Variants in PTHLH observed in about 807,000 individuals in gnomAD.
The protein encoded by PTHLH is parathyroid hormone-related protein.
In PTHLH, 5 loss-of-function variants were observed where a neutral mutation model predicts 18.6. That is an observed-to-expected ratio of 0.27 (90% confidence interval 0.14 to 0.56). The LOEUF is 0.56. Among genes scored for constraint, PTHLH ranks in the 20% least tolerant of loss-of-function variants. The pLI is 0.92. For missense variants in PTHLH, 207 were observed against 223.9 expected (o/e 0.92, Z 0.48); for synonymous variants, 90 against 94.0 (o/e 0.96, Z 0.25).
intron 5 of PTHLH, chr12:27,962,613 G>A: frequency 1.8e-5 from 18 of 985,322 alleles, no homozygotes; most frequent in South Asian, 4.7e-5. Flanking sequence ...TTTTTCCTAC[G>A]GCATTACCCT....
chr12:27,959,965 G>A (rs2062740212), intron 5 of PTHLH, among the ~76,000 whole-genome samples: 1 of 152,158 alleles, frequency 6.6e-6, no homozygotes, highest in Non-Finnish European at 1.5e-5. Flanking sequence ...CACAAAGAGG[G>A]AAGGAAGAGG....
Position 27,969,511 on chromosome 12 carries a change from C to A in PTHLH, c.-17G>T. On this transcript the variant is annotated 5_prime_UTR_variant, in exon 4 of 6. Coordinates refer to ENST00000545234, the MANE Select transcript of PTHLH (RefSeq NM_198965.2). ...CCGCTGCATCGTCTCCGCTCGCGCT[C>A]GGGACCTGCAACAGAAGGGAATGGG... 1.9e-6 allele frequency: 3 copies of A among 1,558,520 alleles called. No individual in the cohort carries two copies. The highest frequency in any genetic ancestry group is 2.6e-6 in the Non-Finnish European group (3 of 1,153,986).
chr12:27,969,646 G>A, intron 3 of PTHLH, 130 bp from the exon 4 acceptor site: 4 of 883,508 alleles, frequency 4.5e-6, no homozygotes, highest in Admixed American at 3.5e-5. Flanking sequence ...AAGTTGAAAA[G>A]AAAAAAAATT....
intron 4 of PTHLH, among the ~76,000 whole-genome samples, chr12:27,968,081 C>T (rs1186863049): frequency 6.6e-6 from 1 of 152,120 alleles, no homozygotes; most frequent in Non-Finnish European, 1.5e-5. Context: ...GAATTTAAGA[C>T]AAGTTTCAAA....
chr12:27,964,366 AGAAGTGAGCAGT>A (rs1444626929), intron 4 of PTHLH, among the ~76,000 whole-genome samples: 2 of 152,058 alleles, frequency 1.3e-5, no homozygotes, highest in Non-Finnish European at 2.9e-5. Flanking sequence ...AGGCTGAAGG[AGAAGTGAGCAGT>A]GTAGCCTGTC....
Position 27,958,101 on chromosome 12 carries a change from T to C in PTHLH, c.*458A>G, listed in dbSNP as rs1474276749. 1 of 152,432 alleles carries C rather than the reference T, an allele frequency of 6.6e-6. No homozygotes were observed. Among genetic ancestry groups the C allele is most frequent in the Non-Finnish European group, 1.5e-5 (1 of 68,204 alleles). 9.4% of individuals were successfully genotyped at this position (152,432 alleles called of 1,614,324 possible). A position where few individuals can be genotyped will look rare whatever the true frequency, so the allele number is the denominator to read the frequency against. ...TCTCTGAATCATGATGTAATTAGAT[T>C]ATATTTTATTAGACATTCTTTACAA... On this transcript the variant is annotated 3_prime_UTR_variant, in exon 6 of 6. Coordinates refer to ENST00000545234, the MANE Select transcript of PTHLH (RefSeq NM_198965.2).
chr12:27,963,552 T>C lies in PTHLH; in HGVS notation c.320A>G (p.Glu107Gly), dbSNP rs909791349. 2.5e-6 allele frequency: 4 copies of C among 1,614,216 alleles called. No homozygotes were observed. Among genetic ancestry groups the C allele is most frequent in the Non-Finnish European group, 3.4e-6 (4 of 1,180,044 alleles). ...TTTGTACGTCTCCACCTTGTTAGTTTCCTGAGTTAGGTATCTGCCCTCATC... is the reference window on the plus strand; with the variant it reads ...TTTGTACGTCTCCACCTTGTTAGTTCCCTGAGTTAGGTATCTGCCCTCATC... ...SDDEGRYLTQ[E>G]TNKVETYKEQ... is the part of the protein sequence containing the mutation. Residue 107 changes from glutamate to glycine, a missense_variant, in exon 5 of 6, where the codon GAA becomes GGA. Coordinates refer to ENST00000545234, the MANE Select transcript of PTHLH (RefSeq NM_198965.2).
chr12:27,958,501 A>G lies in PTHLH; in HGVS notation c.*58T>C. 2.0e-6 allele frequency: 3 copies of G among 1,470,726 alleles called. No homozygotes were observed. In the South Asian group the frequency reaches 3.9e-5, roughly 19 times the overall value. The allele number at this position is 1,470,726 out of a possible 1,614,324, so 91.1% of individuals were successfully genotyped here. A position where few individuals can be genotyped will look rare whatever the true frequency, so the allele number is the denominator to read the frequency against. ...ACAATAAATATTTCTAATACTTTCC[A>G]TATGTTCACTATTACAGAATCCTGC... On this transcript the variant is annotated 3_prime_UTR_variant, in exon 6 of 6. Transcript: ENST00000545234.
At chr12:27,962,471 C>G (rs1020218488) in intron 5 of PTHLH, 7 of 891,036 alleles carry the variant, frequency 7.9e-6, no homozygotes, top group Non-Finnish European at 9.4e-6. Flanking sequence ...GTAACTTGCC[C>G]TAGGTTGTGA....
At position 27,970,253 on chromosome 12, in the gene PTHLH, C is replaced by T; in HGVS notation, c.-251G>A. The T allele has an allele frequency of 2.3e-6, 1 of 435,938 alleles. No individual in the cohort carries two copies. The highest frequency in any genetic ancestry group is 2.6e-5 in the Admixed American group (1 of 39,048). The allele number at this position is 435,938 out of a possible 1,614,324, so 27.0% of individuals were successfully genotyped here. On this transcript the variant is annotated 5_prime_UTR_variant, in exon 3 of 6. In the 5' UTR this introduces an upstream ATG that the reference lacks. Transcript: ENST00000545234. ...AAAACCGAGCGGAGGAATGTTCACA[C>T]GCTCCGAGGCAAACCTGCCGGAGAA...
intron 5 of PTHLH, chr12:27,961,605 T>C: frequency 4.4e-6 from 1 of 227,230 alleles, no homozygotes; most frequent in South Asian, 1.5e-4. Flanking sequence ...GATCCTATCT[T>C]AAAACACACT....
chr12:27,964,263 T>TC (rs1441673654), intron 4 of PTHLH, among the ~76,000 whole-genome samples: 1,108 of 59,678 alleles, frequency 0.019, 9 homozygotes, highest in Middle Eastern at 0.078. Context: ...TCTCTCTCTC[T>TC]CTCTCCTCTC....
At chr12:27,960,296 T>A (rs1374796341) in intron 5 of PTHLH, among the ~76,000 whole-genome samples, 1 of 152,344 alleles carries the variant, frequency 6.6e-6, no homozygotes, top group East Asian at 1.9e-4. Flanking sequence ...TGAGTCCCAC[T>A]GTATCTGGAT....
rs1323778813 is a variant in PTHLH, at chr12:27,958,582, G to A, written c.525-14C>T. 3 of 1,565,070 alleles carry A rather than the reference G, an allele frequency of 1.9e-6. No homozygotes were observed. Among genetic ancestry groups the A allele is most frequent in the Non-Finnish European group, 2.6e-6 (3 of 1,153,312 alleles). ...TTTCAATGCCTCCTGCAAAAAGAAG[G>A]AAGAGAAAGAAAAGGAGAAAACAGG... On this transcript the variant is annotated splice_polypyrimidine_tract_variant and intron_variant, in intron 5 of 5. Transcript: ENST00000545234.
At chr12:27,962,648 T>C (rs928465211) in intron 5 of PTHLH, 12 of 985,162 alleles carry the variant, frequency 1.2e-5, no homozygotes, top group African/African-American at 1.7e-5. Flanking sequence ...ATCTTGCCAA[T>C]GAACAAAAAG....
At chr12:27,965,565 CA>C (rs1279658927) in intron 4 of PTHLH, among the ~76,000 whole-genome samples, 5 of 152,188 alleles carry the variant, frequency 3.3e-5, no homozygotes, top group Non-Finnish European at 7.3e-5. Context: ...GCTAGAATGT[CA>C]GCTACCTTCT....
chr12:27,963,887 C>T (rs1056815666), intron 4 of PTHLH, 117 bp from the exon 5 acceptor site: 60 of 1,044,524 alleles, frequency 5.7e-5, no homozygotes, highest in Non-Finnish European at 7.4e-5. Flanking sequence ...AAGACACAAG[C>T]TGGATGGGTA....
At position 27,963,768 on chromosome 12, in the gene PTHLH, T is replaced by C; in HGVS notation, c.104A>G (p.Lys35Arg). ...RSVEGLSRRL[K>R]RAVSEHQLLH... ...GAGCTGATGTTCAGACACAGCTCTT[T>C]TGCTTTGAAAGAAAATATTAGAGGG... The change falls in exon 5 of 6, where the codon AAA becomes AGA. Residue 35 changes from lysine to arginine, a missense_variant and splice_region_variant. By Grantham distance (26) the Lys-to-Arg change is conservative. Transcript: ENST00000545234. 1 of 1,614,056 alleles carries C rather than the reference T, an allele frequency of 6.2e-7. No individual in the cohort carries two copies. Among genetic ancestry groups the C allele is most frequent in the Non-Finnish European group, 8.5e-7 (1 of 1,180,008 alleles).
chr12:27,969,428 A>G lies in PTHLH; in HGVS notation c.67T>C (p.Cys23Arg). The change falls in exon 4 of 6, where the codon TGC becomes CGC. Residue 23 changes from cysteine (C) to arginine (R), a missense_variant. Transcript: ENST00000545234. ...CTGAGACCCTCCACCGAGCGCCCGC[A>G]GGAGGGCACCGCGTAGCTCAGCAGG... Reference protein sequence around the residue: ...VFLLSYAVPSCGRSVEGLSRR... With the variant: ...VFLLSYAVPSRGRSVEGLSRR... 6.3e-7 allele frequency: 1 copy of G among 1,594,156 alleles called. No individual in the cohort carries two copies. Among genetic ancestry groups the G allele is most frequent in the Non-Finnish European group, 8.5e-7 (1 of 1,172,564 alleles).
Sources: allele counts gnomAD v4.1 joint callset (sites outside exome capture counted in the v4.1 genomes callset), GRCh38; gene constraint gnomAD v4.1.1; transcripts MANE v1.5; gene names NCBI Gene and HGNC (gene_info 2026-07-23, HGNC 2026-07-21).